Variants in LMNTD1 observed in about 807,000 individuals in gnomAD.
LMNTD1 encodes the protein lamin tail domain containing 1.
A neutral mutation model predicts 50.9 loss-of-function variants in LMNTD1; 35 were observed. The ratio of observed to expected loss-of-function variants is 0.69; its 90% CI spans 0.53 to 0.91. The LOEUF (loss-of-function observed/expected upper bound fraction) is 0.91, where lower values mean the gene tolerates loss of function less well. Ranked by LOEUF, LMNTD1 falls within the 40% of genes least tolerant of loss-of-function variation. The pLI is 0.00. For missense variants in LMNTD1, 470 were observed against 475.5 expected (o/e 0.99, Z 0.11); for synonymous variants, 153 against 161.9 (o/e 0.94, Z 0.42).
chr12:25,601,161 C>A (rs1002249194), intron 1 of LMNTD1, among the ~76,000 whole-genome samples: 28 of 151,912 alleles, frequency 1.8e-4, no homozygotes, highest in African/African-American at 6.8e-4. Context: ...ATGGATGGAA[C>A]TGGAGATCGT....
At chr12:25,553,471 G>C (rs1943893824), upstream of LMNTD1, among the ~76,000 whole-genome samples, 1 of 152,104 alleles carries the variant, frequency 6.6e-6, no homozygotes, top group African/African-American at 2.4e-5. Flanking sequence ...CAAAATTATT[G>C]ATATCTTGTT....
intron 4 of LMNTD1, among the ~76,000 whole-genome samples, chr12:25,530,133 C>G (rs754131130): frequency 6.6e-6 from 1 of 152,098 alleles, no homozygotes; most frequent in Non-Finnish European, 1.5e-5. Flanking sequence ...CTCAGTTTTC[C>G]TCTTTGATGA....
At chr12:25,516,388 T>C (rs1049288325) in intron 8 of LMNTD1, among the ~76,000 whole-genome samples, 2 of 152,218 alleles carry the variant, frequency 1.3e-5, no homozygotes, top group African/African-American at 2.4e-5. Context: ...CATCATATTA[T>C]AGAAAAGTGC....
intron 1 of LMNTD1, among the ~76,000 whole-genome samples, chr12:25,561,918 G>A (rs895284609): frequency 5.9e-5 from 9 of 152,112 alleles, no homozygotes; most frequent in Non-Finnish European, 1.0e-4. Context: ...TTTGATCTTC[G>A]TTGGTTTAAA....
intron 2 of LMNTD1, among the ~76,000 whole-genome samples, chr12:25,551,740 A>G (rs1205565322): frequency 6.6e-6 from 1 of 152,198 alleles, no homozygotes; most frequent in African/African-American, 2.4e-5. Context: ...GAGCTGAGAC[A>G]TTTCAGGAAC....
intron 9 of LMNTD1, among the ~76,000 whole-genome samples, chr12:25,484,827 T>C (rs10771221): frequency 0.62 from 81,819 of 131,400 alleles, 25,898 homozygotes; most frequent in East Asian, 0.94. Context: ...CTACAAAGGA[T>C]GTGAACTCAT....
intron 9 of LMNTD1, among the ~76,000 whole-genome samples, chr12:25,486,497 T>A (rs1481747681): frequency 1.1e-3 from 155 of 135,552 alleles, no homozygotes; most frequent in South Asian, 8.7e-3. Flanking sequence ...ACCCTTTATT[T>A]CCTTCTCCTG....
intron 3 of LMNTD1, among the ~76,000 whole-genome samples, chr12:25,548,345 G>A (rs2136235035): frequency 1.3e-5 from 2 of 151,994 alleles, no homozygotes; most frequent in South Asian, 4.1e-4. Flanking sequence ...GATAATGGAG[G>A]CATCAGATAG....
rs1943878645 is a variant in LMNTD1, at chr12:25,553,245, G to A, written c.-207C>T. 2.0e-6 allele frequency: 3 copies of A among 1,475,666 alleles called. No individual in the cohort carries two copies. Among genetic ancestry groups the A allele is most frequent in the Non-Finnish European group, 2.7e-6 (3 of 1,116,620 alleles). The allele number at this position is 1,475,666 out of a possible 1,614,324, so 91.4% of individuals were successfully genotyped here. On this transcript the variant is annotated 5_prime_UTR_variant, in exon 1 of 10. Coordinates refer to ENST00000458174, the MANE Select transcript of LMNTD1 (RefSeq NM_001145728.2). Reference sequence around the variant, plus strand: ...GTGTAGCATTCACTGGAAGCAGCTTGAGAGGGCAGTAACTTGGCAAAGAGA... The same window carrying A: ...GTGTAGCATTCACTGGAAGCAGCTTAAGAGGGCAGTAACTTGGCAAAGAGA...
chr12:25,527,709 CACACACACACAT>C (rs1941901976), intron 4 of LMNTD1, among the ~76,000 whole-genome samples: 2 of 124,290 alleles, frequency 1.6e-5, no homozygotes, highest in South Asian at 2.5e-4. Flanking sequence ...CACACACACA[CACACACACACAT>C]ATACACACAT....
At chr12:25,513,444 T>C (rs1186144006) in intron 8 of LMNTD1, among the ~76,000 whole-genome samples, 1 of 152,174 alleles carries the variant, frequency 6.6e-6, no homozygotes, top group African/African-American at 2.4e-5. Flanking sequence ...GAGACCAGCC[T>C]GGCCAACATG....
intron 9 of LMNTD1, among the ~76,000 whole-genome samples, chr12:25,478,460 A>G (rs1938342431): frequency 6.6e-6 from 1 of 152,208 alleles, no homozygotes; most frequent in Non-Finnish European, 1.5e-5. Context: ...TAAAATGAAG[A>G]TATTTTCTTA....
chr12:25,558,659 G>A (rs189001481), intron 1 of LMNTD1, among the ~76,000 whole-genome samples: 6 of 152,248 alleles, frequency 3.9e-5, no homozygotes, highest in East Asian at 3.9e-4. Context: ...CCACATGGCC[G>A]GGGAGGCCTC....
At chr12:25,557,269 G>A (rs894843299), upstream of LMNTD1, 6 of 152,136 alleles carry the variant, frequency 3.9e-5, no homozygotes, top group Admixed American at 6.6e-5. Context: ...AAGCTCCTAC[G>A]AGGGGTATTT....
chr12:25,497,653 C>G (rs1939136723), intron 9 of LMNTD1: 1 of 152,076 alleles, frequency 6.6e-6, no homozygotes. Context: ...CAAAAATTAG[C>G]CATGCAGGGT....
At position 25,563,867 on chromosome 12, in the gene LMNTD1, G is replaced by A. The variant is rs554812921; in HGVS notation, c.59-17313C>T. Among the ~76,000 whole-genome samples the A allele has an allele frequency of 3.9e-5, 6 of 152,276 alleles. No individual in the cohort carries two copies. In the East Asian group the frequency reaches 5.8e-4, roughly 15 times the overall value. ...TGGTGGGCGCCCCTCCCCCAGCCTC[G>A]CTGCCACCTTGCAGTTCAATCTCAG... is the stretch of plus-strand genomic sequence containing the variant. On this transcript the variant is annotated intron_variant, in intron 1 of 7. Transcript: ENST00000445693.
In LMNTD1 at chr12:25,572,645, A is replaced by T. The variant is rs76899391; in HGVS notation, c.59-26091T>A. On this transcript the variant is annotated intron_variant, in intron 1 of 7. Coordinates refer to the LMNTD1 transcript ENST00000445693. ...AATATTAACAAAAATACCATGTGAC[A>T]TGAAGTAGAGGCAGTAAGACAATGG... Among the ~76,000 whole-genome samples the T allele has an allele frequency of 0.027, 4,059 of 152,262 alleles. 416 individuals carry two copies. In the East Asian group the frequency reaches 0.37, roughly 14 times the overall value.
At chr12:25,507,485 A>T (rs1437420569) in intron 8 of LMNTD1, among the ~76,000 whole-genome samples, 1 of 152,212 alleles carries the variant, frequency 6.6e-6, no homozygotes, top group African/African-American at 2.4e-5. Flanking sequence ...GCATAAACAA[A>T]AGTATTTCTC....
intron 8 of LMNTD1, among the ~76,000 whole-genome samples, chr12:25,505,815 T>C (rs1285367383): frequency 6.6e-6 from 1 of 152,168 alleles, no homozygotes; most frequent in Non-Finnish European, 1.5e-5. Context: ...TTTTATACAT[T>C]AACTCATATA....
Sources: allele counts gnomAD v4.1 joint callset (sites outside exome capture counted in the v4.1 genomes callset), GRCh38; gene constraint gnomAD v4.1.1; transcripts MANE v1.5; gene names NCBI Gene and HGNC (gene_info 2026-07-23, HGNC 2026-07-21).